Variants in CDH12 observed in about 807,000 individuals in gnomAD.
CDH12 encodes the protein cadherin-12.
A neutral mutation model predicts 74.1 loss-of-function variants in CDH12; 41 were observed. The observed-to-expected ratio is 0.55, with a 90% CI of 0.43 to 0.72. CDH12 has a LOEUF of 0.72. CDH12 is among the 30% of genes least tolerant of loss of function. The pLI is 0.00. For synonymous variants in CDH12, 399 were observed against 355.0 expected, an observed-to-expected ratio of 1.12 and a Z score of -1.39; for missense variants, 945 against 977.2, an observed-to-expected ratio of 0.97 and a Z score of 0.44.
chr5:22,216,914 A>G lies in CDH12; in HGVS notation c.-332-4271T>C, dbSNP rs1488887780. 3.9e-5 allele frequency among the ~76,000 whole-genome samples: 6 copies of G among 151,962 alleles called. No individual in the cohort carries two copies. In the East Asian group the frequency reaches 1.2e-3, roughly 29 times the overall value. On this transcript the variant is annotated intron_variant, in intron 3 of 14. Transcript: ENST00000382254. ...TTGGAAAATTTGAGGAAATTAAACT[A>G]TATTATCTCTAGGATTTCAGTCAGT... is the stretch of plus-strand genomic sequence containing the variant.
intron 4 of CDH12, among the ~76,000 whole-genome samples, chr5:22,133,324 T>G (rs1746276829): frequency 1.3e-5 from 2 of 152,156 alleles, no homozygotes; most frequent in Non-Finnish European, 2.9e-5. Context: ...TGTAGTCAGA[T>G]AGTCGAGAAT....
intron 1 of CDH12, among the ~76,000 whole-genome samples, chr5:22,752,545 CTTTTTTTTTT>C (rs1159388186): frequency 1.5e-4 from 10 of 65,752 alleles, no homozygotes; most frequent in Admixed American, 2.2e-4. Context: ...TAGGATACTT[CTTTTTTTTTT>C]TTTTTTTTTT....
At chr5:22,293,560 A>G (rs1737494942) in intron 3 of CDH12, among the ~76,000 whole-genome samples, 2 of 152,208 alleles carry the variant, frequency 1.3e-5, no homozygotes, top group African/African-American at 4.8e-5. Context: ...AAGATATGAA[A>G]TAAATCTAAG....
chr5:22,565,148 A>T (rs1739229463), intron 1 of CDH12, among the ~76,000 whole-genome samples: 1 of 151,992 alleles, frequency 6.6e-6, no homozygotes, highest in South Asian at 2.1e-4. Context: ...GTTGGCCAAG[A>T]TGGTCTAGAT....
At chr5:22,749,833 G>A (rs1214099187) in intron 1 of CDH12, among the ~76,000 whole-genome samples, 2 of 152,152 alleles carry the variant, frequency 1.3e-5, no homozygotes, top group Non-Finnish European at 2.9e-5. Context: ...GCGTCCTACT[G>A]TAAATAGGCA....
At chr5:22,492,761 C>T (rs542591904) in intron 2 of CDH12, among the ~76,000 whole-genome samples, 2 of 152,242 alleles carry the variant, frequency 1.3e-5, no homozygotes, top group South Asian at 4.1e-4. Context: ...GTCTTAATGG[C>T]TGGCTCCTTC....
At chr5:22,192,022 G>C (rs919464581) in intron 4 of CDH12, among the ~76,000 whole-genome samples, 15 of 152,216 alleles carry the variant, frequency 9.9e-5, no homozygotes, top group African/African-American at 2.4e-4. Context: ...AGCAACCTCT[G>C]CCTCCAGGAT....
intron 3 of CDH12, among the ~76,000 whole-genome samples, chr5:22,301,813 T>TATTC (rs1225305305): frequency 1.3e-5 from 2 of 151,690 alleles, no homozygotes; most frequent in African/African-American, 2.4e-5. Flanking sequence ...TTTATTTATT[T>TATTC]ATTCATTCAT....
chr5:22,503,149 T>C (rs1408759999), intron 2 of CDH12, among the ~76,000 whole-genome samples: 1 of 152,142 alleles, frequency 6.6e-6, no homozygotes, highest in Non-Finnish European at 1.5e-5. Flanking sequence ...GAAAGATTTA[T>C]TTCCTTTCTC....
At chr5:21,929,579 T>C (rs759337054) in intron 6 of CDH12, among the ~76,000 whole-genome samples, 24 of 152,096 alleles carry the variant, frequency 1.6e-4, no homozygotes, top group Non-Finnish European at 3.1e-4. Flanking sequence ...ATCAGTGGTA[T>C]GATCTCCGCT....
chr5:22,769,471 G>A (rs1205047751), intron 1 of CDH12, among the ~76,000 whole-genome samples: 1 of 152,114 alleles, frequency 6.6e-6, no homozygotes, highest in Admixed American at 6.5e-5. Context: ...AGGCTGCACT[G>A]TTGGCTTCCC....
At chr5:22,331,409 AG>A (rs1739346613) in intron 3 of CDH12, among the ~76,000 whole-genome samples, 1 of 152,170 alleles carries the variant, frequency 6.6e-6, no homozygotes, top group African/African-American at 2.4e-5. Flanking sequence ...GGAAGATAAA[AG>A]AATTAGAGTC....
intron 4 of CDH12, among the ~76,000 whole-genome samples, chr5:22,164,400 G>A (rs1472233738): frequency 6.6e-6 from 1 of 152,182 alleles, no homozygotes; most frequent in Non-Finnish European, 1.5e-5. Context: ...GATGGGGAGC[G>A]ACAGTGGGCG....
chr5:22,639,750 G>A lies in CDH12; in HGVS notation c.-522-134386C>T, dbSNP rs367892998. Among the ~76,000 whole-genome samples, 97 of 152,164 alleles carry A rather than the reference G, an allele frequency of 6.4e-4. No individual in the cohort carries two copies. In the East Asian group the frequency reaches 8.9e-3, roughly 14 times the overall value. On this transcript the variant is annotated intron_variant, in intron 1 of 14. Coordinates refer to ENST00000382254, the MANE Select transcript of CDH12 (RefSeq NM_004061.5). ...CACTAATTAGCCCCATTCTGCTTAG[G>A]TCTCTGGTGCTCAGGATGAGTGCCT...
intron 6 of CDH12, among the ~76,000 whole-genome samples, chr5:21,910,892 G>C (rs2216674): frequency 0.66 from 99,535 of 151,506 alleles, 36,597 homozygotes; most frequent in East Asian, 0.93. Context: ...GATCCCAGAG[G>C]GTAAGGGAGC....
chr5:22,224,908 A>C (rs1427208530), intron 3 of CDH12, among the ~76,000 whole-genome samples: 1 of 151,916 alleles, frequency 6.6e-6, no homozygotes, highest in Non-Finnish European at 1.5e-5. Context: ...TTTTCCCAAA[A>C]GTGTATCTCT....
Position 22,405,283 on chromosome 5 carries a change from G to C in CDH12, c.-359C>G, listed in dbSNP as rs916853748. 12 of 971,956 alleles carry C rather than the reference G, an allele frequency of 1.2e-5. No individual in the cohort carries two copies. Among genetic ancestry groups the C allele is most frequent in the African/African-American group, 5.3e-5 (3 of 56,918 alleles). 60.2% of individuals were successfully genotyped at this position (971,956 alleles called of 1,614,324 possible). ...AGTTAGAGGCAATTTATTTTCTAAGGCCAGCTTATGTATCTCAAATTGTTT... is the reference window on the plus strand; with the variant it reads ...AGTTAGAGGCAATTTATTTTCTAAGCCCAGCTTATGTATCTCAAATTGTTT... On this transcript the variant is annotated 5_prime_UTR_variant, in exon 3 of 15. Transcript: ENST00000382254.
At chr5:22,549,330 T>A (rs1032259540) in intron 1 of CDH12, among the ~76,000 whole-genome samples, 2 of 152,064 alleles carry the variant, frequency 1.3e-5, no homozygotes, top group Admixed American at 6.5e-5. Flanking sequence ...TCTTGGAATA[T>A]GTTTTCAATT....
intron 6 of CDH12, among the ~76,000 whole-genome samples, chr5:21,948,875 G>A (rs1245482727): frequency 1.3e-5 from 2 of 152,034 alleles, no homozygotes; most frequent in Non-Finnish European, 2.9e-5. Context: ...GTTCTCAGGA[G>A]ATCTGATGGT....
Sources: allele counts gnomAD v4.1 joint callset (sites outside exome capture counted in the v4.1 genomes callset), GRCh38; gene constraint gnomAD v4.1.1; transcripts MANE v1.5; gene names NCBI Gene and HGNC (gene_info 2026-07-23, HGNC 2026-07-21).